LPP: variants seen among roughly 807,000 people sequenced by gnomAD.
LPP encodes the protein LIM domain containing preferred translocation partner in lipoma.
A neutral mutation model predicts 60.4 loss-of-function variants in LPP; 38 were observed. That is an observed-to-expected ratio of 0.63 (90% CI 0.49 to 0.83). The LOEUF is 0.83. Ranked by LOEUF, LPP falls within the 40% of genes least tolerant of loss-of-function variation. LPP has a pLI of 0.00. For missense variants in LPP, 902 were observed against 783.6 expected (o/e 1.15, Z -1.80); for synonymous variants, 328 against 290.8 (o/e 1.13, Z -1.30).
In LPP at chr3:188,803,514, G is replaced by A. The variant is rs369238313; in HGVS notation, c.1410+43232G>A. ...TAAGGTGATCAAATTTTGAGTAAAG[G>A]TATTTTTCCCCCCATAGGGATGTCC... is the stretch of plus-strand genomic sequence containing the variant. On this transcript the variant is annotated intron_variant, in intron 9 of 11. Coordinates refer to ENST00000617246, the MANE Select transcript of LPP (RefSeq NM_001375462.1). Among the ~76,000 whole-genome samples, 6 of 152,230 alleles carry A rather than the reference G, an allele frequency of 3.9e-5. No homozygotes were observed. In the East Asian group the frequency reaches 9.6e-4, roughly 24 times the overall value.
chr3:188,654,532 TTG>T (rs147173152), intron 7 of LPP, among the ~76,000 whole-genome samples: 262 of 150,212 alleles, frequency 1.7e-3, no homozygotes, highest in African/African-American at 5.5e-3. Flanking sequence ...TTTCTCTGTG[TTG>T]TGTGTGTGTG....
intron 9 of LPP, among the ~76,000 whole-genome samples, chr3:188,812,867 G>A (rs1055634332): frequency 6.6e-6 from 1 of 151,726 alleles, no homozygotes; most frequent in Non-Finnish European, 1.5e-5. Context: ...AACATTCTGG[G>A]TACGGGTTTG....
chr3:188,293,176 T>C (rs1211141652), intron 2 of LPP, among the ~76,000 whole-genome samples: 1 of 152,256 alleles, frequency 6.6e-6, no homozygotes, highest in African/African-American at 2.4e-5. Flanking sequence ...TTAATTATAA[T>C]GGTGGCGCAC....
chr3:188,291,816 A>T (rs1577895983), intron 2 of LPP, among the ~76,000 whole-genome samples: 1 of 152,056 alleles, frequency 6.6e-6, no homozygotes, highest in Non-Finnish European at 1.5e-5. Context: ...GAAATGGTGG[A>T]TCTGTGGTTC....
intron 2 of LPP, among the ~76,000 whole-genome samples, chr3:188,332,735 C>T (rs1760459585): frequency 6.6e-6 from 1 of 152,140 alleles, no homozygotes; most frequent in African/African-American, 2.4e-5. Context: ...CTTCATCGAA[C>T]ATTTTTGCAT....
chr3:188,216,544 T>C (rs1367453866), intron 1 of LPP, among the ~76,000 whole-genome samples: 1 of 152,236 alleles, frequency 6.6e-6, no homozygotes, highest in Admixed American at 6.5e-5. Context: ...GTGATGGGAT[T>C]ACAGGCATGA....
rs149742671 is a variant in LPP, at chr3:188,406,234, A to G, written c.114A>G (p.Thr38=). 936 of 1,614,210 alleles carry G rather than the reference A, an allele frequency of 5.8e-4. 4 individuals are homozygous for G. The highest frequency in any genetic ancestry group is 3.8e-3 in the Middle Eastern group (23 of 6,062). Residue 38 remains threonine (T), a synonymous_variant, in exon 4 of 12, where the codon ACA becomes ACG. Coordinates refer to ENST00000617246, the MANE Select transcript of LPP (RefSeq NM_001375462.1). ...GGAACCCCAGCATTTCAGTGTCTAC[A>G]CAACAGCCACCCAAAAAGTTTGCCC... ...SFGNPSISVS[T]QQPPKKFAPV...
At chr3:188,291,961 A>G (rs1310766338) in intron 2 of LPP, among the ~76,000 whole-genome samples, 1 of 152,202 alleles carries the variant, frequency 6.6e-6, no homozygotes, top group African/African-American at 2.4e-5. Flanking sequence ...CAGATTATAT[A>G]GAGTTGTAAT....
At chr3:188,240,653 T>C (rs1724151545) in intron 2 of LPP, among the ~76,000 whole-genome samples, 2 of 152,154 alleles carry the variant, frequency 1.3e-5, no homozygotes, top group South Asian at 2.1e-4. Flanking sequence ...AGCGTAATCA[T>C]AACTATCCAA....
chr3:188,296,312 G>A (rs1362093588), intron 2 of LPP, among the ~76,000 whole-genome samples: 3 of 152,128 alleles, frequency 2.0e-5, no homozygotes, highest in Admixed American at 1.3e-4. Flanking sequence ...GCTTGAAAAA[G>A]ATAAGTGAGG....
intron 4 of LPP, among the ~76,000 whole-genome samples, chr3:188,457,736 A>AT (rs200828865): frequency 0.076 from 3,559 of 46,548 alleles, 163 homozygotes; most frequent in African/African-American, 0.22. Context: ...ACTAAAAAAA[A>AT]AAAATATATA....
Position 188,364,500 on chromosome 3 carries a change from T to C in LPP, c.-10+22781T>C, listed in dbSNP as rs558593466. On this transcript the variant is annotated intron_variant, in intron 3 of 11. Transcript: ENST00000617246. ...TGACAATTAATGCAGAAAACTTCTA[T>C]TGGAGATAGACATGCAAAAACACTC... Among the ~76,000 whole-genome samples, 9 of 152,322 alleles carry C rather than the reference T, an allele frequency of 5.9e-5. No homozygotes were observed. In the East Asian group the frequency reaches 1.7e-3, roughly 29 times the overall value.
At chr3:188,213,362 G>T (rs1431615874) in intron 1 of LPP, among the ~76,000 whole-genome samples, 5 of 152,196 alleles carry the variant, frequency 3.3e-5, no homozygotes, top group Non-Finnish European at 5.9e-5. Context: ...TAATTTCACA[G>T]TGTGAGATAA....
chr3:188,558,606 G>A (rs1374628487), intron 6 of LPP, among the ~76,000 whole-genome samples: 1 of 152,000 alleles, frequency 6.6e-6, no homozygotes, highest in African/African-American at 2.4e-5. Context: ...CATGGGTTAG[G>A]CAATCAACAA....
chr3:188,298,130 CT>C (rs1748551114), intron 2 of LPP, among the ~76,000 whole-genome samples: 1 of 152,192 alleles, frequency 6.6e-6, no homozygotes, highest in South Asian at 2.1e-4. Context: ...GCAAACCTAT[CT>C]CTCCAAACCC....
intron 9 of LPP, among the ~76,000 whole-genome samples, chr3:188,814,452 C>T (rs563690768): frequency 6.6e-6 from 1 of 152,182 alleles, no homozygotes; most frequent in African/African-American, 2.4e-5. Flanking sequence ...AGTCAATTCT[C>T]ATAAGGAAAT....
At chr3:188,855,308 T>C (rs1763561011) in intron 9 of LPP, among the ~76,000 whole-genome samples, 1 of 152,268 alleles carries the variant, frequency 6.6e-6, no homozygotes, top group Non-Finnish European at 1.5e-5. Context: ...GATTGCCTGT[T>C]ATGTCTTAAG....
rs562085539 is a variant in LPP at position 188,185,352 on chromosome 3, T to C, written c.-190+31100T>C. On this transcript the variant is annotated intron_variant, in intron 1 of 11. Transcript: ENST00000617246. ...ATCCACTGAGTCCAGTAAATGCAAGTCAGGAACATTAATCTTCTTCACTCG... is the reference window on the plus strand; with the variant it reads ...ATCCACTGAGTCCAGTAAATGCAAGCCAGGAACATTAATCTTCTTCACTCG... Among the ~76,000 whole-genome samples the C allele has an allele frequency of 1.4e-4, 21 of 152,124 alleles. No homozygotes were observed. In the South Asian group the frequency reaches 4.2e-3, roughly 30 times the overall value.
intron 9 of LPP, among the ~76,000 whole-genome samples, chr3:188,851,249 T>C (rs1762608738): frequency 6.6e-6 from 1 of 152,260 alleles, no homozygotes; most frequent in African/African-American, 2.4e-5. Context: ...TGATTCTATG[T>C]GAAGTTCTAG....
Sources: allele counts gnomAD v4.1 joint callset (sites outside exome capture counted in the v4.1 genomes callset), GRCh38; gene constraint gnomAD v4.1.1; transcripts MANE v1.5; gene names NCBI Gene and HGNC (gene_info 2026-07-23, HGNC 2026-07-21).